Variants in FBXL13 observed in about 807,000 individuals in gnomAD.
FBXL13 encodes F-box and leucine rich repeat protein 13.
FBXL13 carries 67 observed loss-of-function variants against 83.6 expected under a neutral mutation model. That is an observed-to-expected ratio of 0.80 (90% confidence interval 0.66 to 0.98). The LOEUF (loss-of-function observed/expected upper bound fraction) is 0.98. Among genes scored for constraint, FBXL13 ranks in the 50% least tolerant of loss-of-function variants. The pLI, the probability that FBXL13 is intolerant of heterozygous loss-of-function variation, is 0.00. For synonymous variants in FBXL13, 272 were observed against 299.5 expected (o/e 0.91, Z 0.95); for missense variants, 822 against 866.5 (o/e 0.95, Z 0.64).
At chr7:102,878,278 AT>A in intron 15 of FBXL13, 52 bp downstream of exon 16, 1 of 1,462,772 alleles carries the variant, frequency 6.8e-7, no homozygotes, top group Non-Finnish European at 9.1e-7. Context: ...CATGTCTCCT[AT>A]TATCAAATAT....
downstream of FBXL13, chr7:102,813,086 C>T (rs1474652983): frequency 3.5e-5 from 11 of 312,658 alleles, no homozygotes; most frequent in East Asian, 5.2e-4. Flanking sequence ...ATGGTCCACC[C>T]GCCTTGGCCT....
rs1825047855 is a variant in FBXL13 at position 102,960,675 on chromosome 7, T to A, written c.724+2858A>T. Among the ~76,000 whole-genome samples the A allele has an allele frequency of 2.6e-5, 4 of 152,266 alleles. No individual in the cohort carries two copies. In the South Asian group the frequency reaches 8.3e-4, roughly 32 times the overall value. ...TTCATCCCTGGGATGCAAGGCTGGT[T>A]CAATATATGCAAATCAATAAATGTA... On this transcript the variant is annotated intron_variant, in intron 8 of 19. Transcript: ENST00000313221.
rs779235558 is a variant in FBXL13 at position 102,822,567 on chromosome 7, A to G, written c.1855-364T>C. The G allele has an allele frequency of 2.8e-4, 116 of 416,246 alleles. 2 individuals are homozygous for G. In the Middle Eastern group the frequency reaches 5.0e-3, roughly 18 times the overall value. The allele number at this position is 416,246 out of a possible 1,614,324, so 25.8% of individuals were successfully genotyped here. ...TTTACTCCCAAAGGCCCCACTTTCT[A>G]TTACTGTCACAGTGGGAGTTAGGGT... On this transcript the variant is annotated intron_variant, in intron 18 of 19. Transcript: ENST00000313221.
chr7:102,982,975 C>T (rs1479162764), intron 6 of FBXL13, among the ~76,000 whole-genome samples: 2 of 152,130 alleles, frequency 1.3e-5, no homozygotes, highest in East Asian at 3.8e-4. Context: ...CCTCATTATC[C>T]ATTTCCACAT....
At chr7:102,890,191 G>A (rs375167561) in intron 11 of FBXL13, among the ~76,000 whole-genome samples, 32 of 152,200 alleles carry the variant, frequency 2.1e-4, no homozygotes, top group African/African-American at 6.7e-4. Flanking sequence ...TAAAATAATA[G>A]AGATATAAGT....
At chr7:102,923,941 T>C (rs574859950) in intron 10 of FBXL13, among the ~76,000 whole-genome samples, 8 of 151,114 alleles carry the variant, frequency 5.3e-5, no homozygotes, top group Non-Finnish European at 8.9e-5. Flanking sequence ...TTTAACAACA[T>C]TTAAAATGTA....
intron 19 of FBXL13, among the ~76,000 whole-genome samples, chr7:102,820,948 G>A (rs1412428946): frequency 6.6e-6 from 1 of 152,164 alleles, no homozygotes; most frequent in Non-Finnish European, 1.5e-5. Flanking sequence ...GGTTCAAAGA[G>A]CCCCTTGCCA....
intron 10 of FBXL13, among the ~76,000 whole-genome samples, chr7:102,924,956 A>G (rs2129471659): frequency 6.6e-6 from 1 of 152,142 alleles, no homozygotes; most frequent in Non-Finnish European, 1.5e-5. Context: ...ATGTCTCATC[A>G]CCGTTATTTT....
intron 2 of FBXL13, among the ~76,000 whole-genome samples, chr7:103,044,213 C>T (rs902266912): frequency 6.6e-6 from 1 of 152,212 alleles, no homozygotes; most frequent in East Asian, 1.9e-4. Context: ...GACAAATTAC[C>T]CGTTTCCTTC....
At chr7:102,813,277 T>G in exon 20 of FBXL13, 2 of 1,447,410 alleles carry the variant, frequency 1.4e-6, no homozygotes, top group Non-Finnish European at 1.9e-6. Context: ...GTAAACATAC[T>G]TGCAACAAAT....
intron 6 of FBXL13, among the ~76,000 whole-genome samples, chr7:103,020,100 G>A (rs1792946115): frequency 6.6e-6 from 1 of 152,186 alleles, no homozygotes. Flanking sequence ...ACCGAATCCA[G>A]CAGCATATCA....
At chr7:102,816,021 G>T (rs1797953343) in intron 19 of FBXL13, among the ~76,000 whole-genome samples, 1 of 152,198 alleles carries the variant, frequency 6.6e-6, no homozygotes, top group African/African-American at 2.4e-5. Flanking sequence ...TGAGCTGCAT[G>T]TTGAACCCCA....
Position 103,028,586 on chromosome 7 carries a change from A to G in FBXL13, c.217+14T>C, listed in dbSNP as rs939558370. The G allele has an allele frequency of 5.9e-6, 9 of 1,525,396 alleles. No individual in the cohort carries two copies. Among genetic ancestry groups the G allele is most frequent in the Non-Finnish European group, 7.9e-6 (9 of 1,134,696 alleles). 94.5% of individuals were successfully genotyped at this position (1,525,396 alleles called of 1,614,324 possible). A position where few individuals can be genotyped will look rare whatever the true frequency, so the allele number is the denominator to read the frequency against. ...ATGGATACAAAAAGTAATTGCTACT[A>G]TGTAAGAATTTACTTTTAAGTTTTT... On this transcript the variant is annotated intron_variant, in intron 4 of 19. Coordinates refer to ENST00000313221, the Ensembl canonical transcript of FBXL13.
In FBXL13 at chr7:102,848,513, G is replaced by A. The variant is rs1804549218; in HGVS notation, c.1719+6264C>T. On this transcript the variant is annotated intron_variant, in intron 17 of 19. Transcript: ENST00000313221. ...GGAGCTTGCAGTGAGCCGAGATTGC[G>A]CCACTGCACTCCAGCCTGGGCGACA... Among the ~76,000 whole-genome samples the A allele has an allele frequency of 1.1e-4, 4 of 36,366 alleles. No individual in the cohort carries two copies. The South Asian group carries it at 4.1e-3, about 37-fold the overall frequency. The allele number at this position is 36,366 out of a possible 152,430, so 23.9% of individuals were successfully genotyped here. A position where few individuals can be genotyped will look rare whatever the true frequency, so the allele number is the denominator to read the frequency against.
chr7:102,853,089 T>A lies in FBXL13; in HGVS notation c.1719+1688A>T, dbSNP rs535478097. Among the ~76,000 whole-genome samples the A allele has an allele frequency of 3.3e-5, 5 of 152,218 alleles. No individual in the cohort carries two copies. The East Asian group carries it at 9.6e-4, about 29-fold the overall frequency. ...AACTCAGTAATGGAAAACCAAACAT[T>A]GTATGTTCTCACTCATAATTGGGAG... On this transcript the variant is annotated intron_variant, in intron 17 of 19. Coordinates refer to ENST00000313221, the Ensembl canonical transcript of FBXL13.
chr7:102,966,825 C>A (rs1294460685), intron 7 of FBXL13, among the ~76,000 whole-genome samples: 1 of 152,328 alleles, frequency 6.6e-6, no homozygotes, highest in Admixed American at 6.5e-5. Context: ...CAGGAAATTG[C>A]ATGTTCACAA....
chr7:102,902,818 T>C (rs978454315), intron 11 of FBXL13, among the ~76,000 whole-genome samples: 1 of 152,208 alleles, frequency 6.6e-6, no homozygotes, highest in African/African-American at 2.4e-5. Context: ...CATGTTGTTT[T>C]GGTTACTTTA....
chr7:103,006,912 A>G (rs773538263), intron 6 of FBXL13, among the ~76,000 whole-genome samples: 3 of 152,154 alleles, frequency 2.0e-5, no homozygotes, highest in Non-Finnish European at 4.4e-5. Context: ...AACCAAAGGA[A>G]ACTTCTAGAG....
chr7:102,973,720 G>C, intron 6 of FBXL13: 1 of 766,306 alleles, frequency 1.3e-6, no homozygotes. Flanking sequence ...AAGCTCCTCA[G>C]CCTCCAGTTG....
Sources: allele counts gnomAD v4.1 joint callset (sites outside exome capture counted in the v4.1 genomes callset), GRCh38; gene constraint gnomAD v4.1.1; transcripts MANE v1.5; gene names NCBI Gene and HGNC (gene_info 2026-07-23, HGNC 2026-07-21).